The following ASCC3 variants were observed in gnomAD, a reference collection of about 807,000 sequenced individuals.
ASCC3 encodes activating signal cointegrator 1 complex subunit 3.
ASCC3 carries 158 observed loss-of-function variants against 256.3 expected under a neutral mutation model. That is an observed-to-expected ratio of 0.62 (90% CI 0.54 to 0.70). The LOEUF (loss-of-function observed/expected upper bound fraction) is 0.70. ASCC3 is among the 30% of genes least tolerant of loss of function. The probability of loss-of-function intolerance (pLI) is 0.00; values close to 1 mark genes in which losing one functional copy is unlikely to be tolerated. For synonymous variants in ASCC3, 948 were observed against 883.4 expected, an observed-to-expected ratio of 1.07 and a Z score of -1.30; for missense variants, 2,259 against 2,626.0, an observed-to-expected ratio of 0.86 and a Z score of 3.05.
chr6:100,811,175 C>G (rs1770450125), intron 4 of ASCC3, among the ~76,000 whole-genome samples: 1 of 152,156 alleles, frequency 6.6e-6, no homozygotes, highest in South Asian at 2.1e-4. Context: ...TTGTCCAACT[C>G]CAGTTTTTCC....
intron 36 of ASCC3, among the ~76,000 whole-genome samples, chr6:100,560,799 A>T (rs1269487662): frequency 6.6e-6 from 1 of 151,108 alleles, no homozygotes; most frequent in Non-Finnish European, 1.5e-5. Context: ...ACACGCACAC[A>T]TAACAGGCAA....
intron 11 of ASCC3, among the ~76,000 whole-genome samples, chr6:100,723,901 T>G (rs1349811221): frequency 3.9e-5 from 5 of 127,682 alleles, no homozygotes; most frequent in African/African-American, 8.5e-5. Context: ...TATATATTTA[T>G]AATTATATAT....
At chr6:100,532,335 C>CAT (rs1774919306) in intron 37 of ASCC3, among the ~76,000 whole-genome samples, 2 of 99,832 alleles carry the variant, frequency 2.0e-5, no homozygotes, top group Non-Finnish European at 3.7e-5. Flanking sequence ...TGCTATCTTG[C>CAT]GTGTGTGTGT....
In ASCC3 at chr6:100,642,738, T is replaced by G. The variant is rs763565214; in HGVS notation, c.3744A>C (p.Lys1248Asn). The G allele has an allele frequency of 6.2e-7, 1 of 1,613,088 alleles. No individual in the cohort carries two copies. The highest frequency in any genetic ancestry group is 2.2e-5 in the East Asian group (1 of 44,810). ...FLALKKQVIS[K>N]EAQLLVFTIP... ...TTGTAAATACCAGTAGTTGGGCTTC[T>G]TTACTAATGACCTAATATGAAATAC... Residue 1248 changes from lysine (K) to asparagine (N), a missense_variant, in exon 24 of 42, where the codon AAA (lysine) becomes AAC (asparagine). Transcript: ENST00000369162.
intron 36 of ASCC3, among the ~76,000 whole-genome samples, chr6:100,567,589 T>C (rs1010457178): frequency 1.3e-5 from 2 of 152,178 alleles, no homozygotes; most frequent in African/African-American, 4.8e-5. Context: ...GTCTCCAGTG[T>C]CTACAGTCAT....
At chr6:100,536,195 G>A (rs892344258) in intron 37 of ASCC3, among the ~76,000 whole-genome samples, 20 of 152,098 alleles carry the variant, frequency 1.3e-4, no homozygotes, top group Non-Finnish European at 2.8e-4. Flanking sequence ...TAGGATTGAG[G>A]AGCTAAATAA....
At chr6:100,836,740 G>C (rs993060823) in intron 4 of ASCC3, among the ~76,000 whole-genome samples, 1 of 152,070 alleles carries the variant, frequency 6.6e-6, no homozygotes, top group Non-Finnish European at 1.5e-5. Flanking sequence ...TTGGTATCAG[G>C]ATAGTGCTTA....
chr6:100,804,321 A>T (rs935758639), intron 5 of ASCC3, among the ~76,000 whole-genome samples: 1 of 152,116 alleles, frequency 6.6e-6, no homozygotes, highest in African/African-American at 2.4e-5. Context: ...TCATTGTATT[A>T]TTCTTGTAAC....
rs537665667 is a variant in ASCC3, at chr6:100,866,077, C to A, written c.90+1831G>T. 2.0e-5 allele frequency among the ~76,000 whole-genome samples: 3 copies of A among 152,174 alleles called. No individual in the cohort carries two copies. In the South Asian group the frequency reaches 6.2e-4, roughly 32 times the overall value. ...CTCTGTCTTCCAGGTTCAAGCAATT[C>A]TCCTGCCTCAGCCTCCTGAGTAGCT... On this transcript the variant is annotated intron_variant, in intron 2 of 41. Coordinates refer to ENST00000369162, the MANE Select transcript of ASCC3 (RefSeq NM_006828.4).
intron 37 of ASCC3, among the ~76,000 whole-genome samples, chr6:100,536,602 A>T (rs1328725527): frequency 6.6e-6 from 1 of 151,590 alleles, no homozygotes; most frequent in South Asian, 2.1e-4. Context: ...TCACCTTGGC[A>T]CCCCCTACCA....
intron 13 of ASCC3, among the ~76,000 whole-genome samples, chr6:100,706,823 T>C (rs1778610501): frequency 6.6e-6 from 1 of 152,092 alleles, no homozygotes; most frequent in South Asian, 2.1e-4. Context: ...GTTAAACATA[T>C]AATGTAGGTA....
In ASCC3 at chr6:100,589,787, A is replaced by G. The variant is rs759057417; in HGVS notation, c.5416-19T>C. Reference sequence around the variant, plus strand: ...GATTATCCTATTTCAAAAGAATAACAAATGAAGAGTACGATGAAAGTACAT... The same window carrying G: ...GATTATCCTATTTCAAAAGAATAACGAATGAAGAGTACGATGAAAGTACAT... On this transcript the variant is annotated intron_variant, in intron 35 of 41. Coordinates refer to ENST00000369162, the MANE Select transcript of ASCC3 (RefSeq NM_006828.4). 1 of 1,613,410 alleles carries G rather than the reference A, an allele frequency of 6.2e-7. No individual in the cohort carries two copies. Among genetic ancestry groups the G allele is most frequent in the Admixed American group, 1.7e-5 (1 of 60,004 alleles).
At chr6:100,658,200 A>G (rs1235993610) in intron 16 of ASCC3, among the ~76,000 whole-genome samples, 2 of 151,584 alleles carry the variant, frequency 1.3e-5, no homozygotes, top group African/African-American at 4.8e-5. Context: ...AAAGAAAAAC[A>G]TCTAACATGA....
intron 8 of ASCC3, among the ~76,000 whole-genome samples, chr6:100,787,071 G>C (rs1047238392): frequency 2.0e-5 from 3 of 152,100 alleles, no homozygotes; most frequent in African/African-American, 7.2e-5. Flanking sequence ...GCCTCCTGGT[G>C]TTCATGCCCT....
At chr6:100,831,113 A>G (rs879177816) in intron 4 of ASCC3, among the ~76,000 whole-genome samples, 1 of 152,126 alleles carries the variant, frequency 6.6e-6, no homozygotes, top group Non-Finnish European at 1.5e-5. Flanking sequence ...GTTTATCACA[A>G]CAAAAATGTG....
At chr6:100,868,679 A>G (rs146059222) in intron 1 of ASCC3, among the ~76,000 whole-genome samples, 1 of 152,360 alleles carries the variant, frequency 6.6e-6, no homozygotes, top group Non-Finnish European at 1.5e-5. Flanking sequence ...CTATTTTACT[A>G]ATCTCCCCAG....
At chr6:100,650,750 C>T in intron 19 of ASCC3, 36 bp from the exon 20 acceptor site, 8 of 1,528,802 alleles carry the variant, frequency 5.2e-6, no homozygotes, top group Non-Finnish European at 7.2e-6. Context: ...AATTTTGGGG[C>T]TGATTTATTT....
At chr6:100,569,586 G>A (rs931213455) in intron 36 of ASCC3, among the ~76,000 whole-genome samples, 3 of 151,660 alleles carry the variant, frequency 2.0e-5, no homozygotes, top group Admixed American at 1.3e-4. Context: ...GGGTTTCACC[G>A]TGTTAGCCAG....
At chr6:100,587,364 C>T (rs1771754265) in intron 36 of ASCC3, among the ~76,000 whole-genome samples, 1 of 151,478 alleles carries the variant, frequency 6.6e-6, no homozygotes, top group Non-Finnish European at 1.5e-5. Context: ...AATTACACCA[C>T]AATTATACAA....
Sources: allele counts gnomAD v4.1 joint callset (sites outside exome capture counted in the v4.1 genomes callset), GRCh38; gene constraint gnomAD v4.1.1; transcripts MANE v1.5; gene names NCBI Gene and HGNC (gene_info 2026-07-23, HGNC 2026-07-21).